Variants in SERPINB2 observed in about 807,000 individuals in gnomAD.
SERPINB2 encodes the protein plasminogen activator inhibitor 2.
A neutral mutation model predicts 39.4 loss-of-function variants in SERPINB2; 28 were observed. The observed-to-expected ratio is 0.71, with a 90% CI of 0.53 to 0.97. The LOEUF (loss-of-function observed/expected upper bound fraction) is 0.97. Ranked by LOEUF, SERPINB2 falls within the 50% of genes least tolerant of loss-of-function variation. The pLI is 0.00. For synonymous variants in SERPINB2, 209 were observed against 175.1 expected, an observed-to-expected ratio of 1.19 and a Z score of -1.53; for missense variants, 557 against 505.3, an observed-to-expected ratio of 1.10 and a Z score of -0.98.
At chr18:63,899,634 G>A (rs770150751) in intron 5 of SERPINB2, among the ~76,000 whole-genome samples, 16 of 152,080 alleles carry the variant, frequency 1.1e-4, no homozygotes, top group South Asian at 4.1e-4. Flanking sequence ...GGGATTAGCC[G>A]GCTCCCCTAA....
chr18:63,890,977 G>A lies in SERPINB2; in HGVS notation c.-9-459G>A, dbSNP rs144103441. The A allele has an allele frequency of 1.8e-5, 3 of 162,516 alleles. No individual in the cohort carries two copies. In the East Asian group the frequency reaches 5.1e-4, roughly 27 times the overall value. 10.1% of individuals were successfully genotyped at this position (162,516 alleles called of 1,614,324 possible). The stretch of plus-strand genomic sequence containing the variant: ...CAGTGTGTGTGGTGTGGATGTGTGC[G>A]TTGTGCTTGTGGGGGCAGCATAGAA... On this transcript the variant is annotated intron_variant, in intron 1 of 7. Coordinates refer to ENST00000299502, the MANE Select transcript of SERPINB2 (RefSeq NM_002575.3).
chr18:63,896,186 G>T (rs998790672), intron 3 of SERPINB2, among the ~76,000 whole-genome samples: 4 of 152,214 alleles, frequency 2.6e-5, no homozygotes, highest in Admixed American at 2.0e-4. Flanking sequence ...GGCTAGAGGA[G>T]GTGGACAGGA....
intron 1 of SERPINB2, among the ~76,000 whole-genome samples, chr18:63,888,549 T>C (rs2049906561): frequency 6.6e-6 from 1 of 152,242 alleles, no homozygotes; most frequent in South Asian, 2.1e-4. Context: ...ATTTCCACTG[T>C]CTAATTGTAA....
rs2049997491 is a variant in SERPINB2 at position 63,902,407 on chromosome 18, C to T, written c.682C>T (p.Gln228Ter). Residue 228 changes from glutamine to a stop codon, truncating the protein, a stop_gained, in exon 7 of 8, where the codon CAG (glutamine) becomes TAG (stop). Coordinates refer to ENST00000299502, the MANE Select transcript of SERPINB2 (RefSeq NM_002575.3). LOFTEE classifies it high-confidence loss of function. ...GLYPFRVNSA[Q>*]RTPVQMMYLR... ...TTTTACCTTTTAATAATATTAGGCT[C>T]AGCGCACACCTGTACAGATGATGTA... The T allele has an allele frequency of 1.9e-6, 3 of 1,565,036 alleles. No individual in the cohort carries two copies. Among genetic ancestry groups the T allele is most frequent in the African/African-American group, 1.4e-5 (1 of 72,816 alleles).
At chr18:63,891,047 T>C in intron 1 of SERPINB2, 1 of 189,226 alleles carries the variant, frequency 5.3e-6, no homozygotes, top group Non-Finnish European at 1.1e-5. Flanking sequence ...CTTCAATTCC[T>C]ACTCCTGTCC....
At chr18:63,900,196 G>C (rs544679120) in intron 5 of SERPINB2, among the ~76,000 whole-genome samples, 1 of 152,198 alleles carries the variant, frequency 6.6e-6, no homozygotes, top group Non-Finnish European at 1.5e-5. Context: ...AAGAATTGGA[G>C]AGAATTGTCT....
At position 63,888,444 on chromosome 18, in the gene SERPINB2, C is replaced by A. The variant is rs151329845; in HGVS notation, c.-10+674C>A. Reference sequence around the variant, plus strand: ...CAACTAGGAGAAATTGCTTTTAATTCTGTTGGGGGAGATGTAGCAGTATTT... The same window carrying A: ...CAACTAGGAGAAATTGCTTTTAATTATGTTGGGGGAGATGTAGCAGTATTT... On this transcript the variant is annotated intron_variant, in intron 1 of 7. Transcript: ENST00000299502. 1.7e-3 allele frequency among the ~76,000 whole-genome samples: 261 copies of A among 152,278 alleles called. 1 individual carries two copies. The highest frequency in any genetic ancestry group is 2.2e-3 in the Non-Finnish European group (148 of 68,018).
At chr18:63,893,541 A>G (rs939091626) in intron 2 of SERPINB2, among the ~76,000 whole-genome samples, 1 of 152,216 alleles carries the variant, frequency 6.6e-6, no homozygotes, top group Non-Finnish European at 1.5e-5. Flanking sequence ...AAAAAGAAAA[A>G]GACATTTATT....
intron 3 of SERPINB2, among the ~76,000 whole-genome samples, chr18:63,895,918 T>C (rs1316145847): frequency 2.7e-5 from 4 of 150,184 alleles, no homozygotes; most frequent in African/African-American, 1.0e-4. Flanking sequence ...ATCATCTATT[T>C]ATCATCTATC....
rs1201058584 is a variant in SERPINB2 at position 63,895,264 on chromosome 18, G to T, written c.169G>T (p.Val57Leu). 6.2e-7 allele frequency: 1 copy of T among 1,613,138 alleles called. No individual in the cohort carries two copies. Among genetic ancestry groups the T allele is most frequent in the Admixed American group, 1.7e-5 (1 of 59,758 alleles). The part of the protein sequence containing the change: ...RGSTEDQMAK[V>L]LQFNEVGANA... ...CCGTTTTCTCTAATTCTGATTGCAG[G>T]TGCTTCAGTTTAATGAAGTGGGAGC... Residue 57 changes from valine (V) to leucine (L), a missense_variant and splice_region_variant, in exon 3 of 8, where the codon GTG becomes TTG. Physicochemically the swap from Val to Leu is conservative, Grantham distance 32 (BLOSUM62 1). Coordinates refer to ENST00000299502, the MANE Select transcript of SERPINB2 (RefSeq NM_002575.3).
intron 3 of SERPINB2, 27 bp from the exon 4 acceptor site, chr18:63,897,064 A>G (rs2049963739): frequency 1.2e-6 from 2 of 1,605,642 alleles, no homozygotes; most frequent in Non-Finnish European, 1.7e-6. Context: ...TGTGTTATAT[A>G]TAAAGAATTC....
intron 1 of SERPINB2, among the ~76,000 whole-genome samples, chr18:63,888,759 A>G (rs916728199): frequency 1.3e-5 from 2 of 152,188 alleles, no homozygotes; most frequent in African/African-American, 4.8e-5. Context: ...TATTACTCCC[A>G]TTAATTCATC....
chr18:63,901,040 CT>C (rs1388642054), intron 5 of SERPINB2, among the ~76,000 whole-genome samples: 1 of 152,090 alleles, frequency 6.6e-6, no homozygotes, highest in Non-Finnish European at 1.5e-5. Flanking sequence ...AAACAAACTG[CT>C]TCTTAAACCA....
intron 2 of SERPINB2, among the ~76,000 whole-genome samples, chr18:63,893,237 T>C (rs2049938320): frequency 6.6e-6 from 1 of 152,210 alleles, no homozygotes; most frequent in South Asian, 2.1e-4. Context: ...CTAGGTTTTT[T>C]TGTTTTTTAA....
intron 5 of SERPINB2, among the ~76,000 whole-genome samples, chr18:63,899,607 G>A (rs376227712): frequency 1.3e-5 from 2 of 152,166 alleles, no homozygotes; most frequent in East Asian, 3.8e-4. Context: ...TTTGTGGTTG[G>A]AGCATCCTGT....
chr18:63,889,990 T>A (rs1243849021), intron 1 of SERPINB2: 1 of 152,138 alleles, frequency 6.6e-6, no homozygotes, highest in Non-Finnish European at 1.5e-5. Flanking sequence ...CTGTGTGACC[T>A]TATACAAGTT....
intron 5 of SERPINB2, 82 bp downstream of exon 5, chr18:63,897,926 G>C: frequency 1.1e-6 from 1 of 909,064 alleles, no homozygotes; most frequent in Non-Finnish European, 1.8e-6. Context: ...AACTTAGTTA[G>C]CCCTCACCCC....
chr18:63,903,354 C>T lies in SERPINB2; in HGVS notation c.*49C>T. Reference sequence around the variant, plus strand: ...AAGATTTTTGTAGATGAGCTGTGTGCCTCAGAATTGCTATTTCAAATTGCC... The same window carrying T: ...AAGATTTTTGTAGATGAGCTGTGTGTCTCAGAATTGCTATTTCAAATTGCC... On this transcript the variant is annotated 3_prime_UTR_variant, in exon 8 of 8. Transcript: ENST00000299502. The T allele has an allele frequency of 4.1e-6, 6 of 1,454,794 alleles. No homozygotes were observed. The highest frequency in any genetic ancestry group is 2.6e-5 in the Admixed American group (1 of 37,740). The allele number at this position is 1,454,794 out of a possible 1,614,324, so 90.1% of individuals were successfully genotyped here. A position where few individuals can be genotyped will look rare whatever the true frequency, so the allele number is the denominator to read the frequency against.
In SERPINB2 at chr18:63,902,530, C is replaced by G; in HGVS notation, c.805C>G (p.Pro269Ala). The G allele has an allele frequency of 6.2e-7, 1 of 1,613,458 alleles. No homozygotes were observed. The highest frequency in any genetic ancestry group is 8.5e-7 in the Non-Finnish European group (1 of 1,179,612). The change falls in exon 7 of 8, where the codon CCA (proline) becomes GCA (alanine). Residue 269 changes from proline to alanine, a missense_variant. Coordinates refer to ENST00000299502, the MANE Select transcript of SERPINB2 (RefSeq NM_002575.3). ...AGDVSMFLLL[P>A]DEIADVSTGL... ...AGATGTTAGCATGTTCTTGTTGCTT[C>G]CAGATGAAATTGCCGATGTGTCCAC...
Sources: allele counts gnomAD v4.1 joint callset (sites outside exome capture counted in the v4.1 genomes callset), GRCh38; gene constraint gnomAD v4.1.1; transcripts MANE v1.5; gene names NCBI Gene and HGNC (gene_info 2026-07-23, HGNC 2026-07-21).